CNNM1: variants seen among roughly 807,000 people sequenced by gnomAD.
CNNM1 encodes the protein cyclin and CBS domain divalent metal cation transport mediator 1.
Under a neutral mutation model 78.8 loss-of-function variants are expected in CNNM1, and 44 were observed. That is an observed-to-expected ratio of 0.56 (90% CI 0.44 to 0.72). The LOEUF (loss-of-function observed/expected upper bound fraction) is 0.72. Among genes scored for constraint, CNNM1 ranks in the 30% least tolerant of loss-of-function variants. CNNM1 has a pLI of 0.00. For synonymous variants in CNNM1, 584 were observed against 581.5 expected (o/e 1.00, Z -0.06); for missense variants, 1,101 against 1,292.2 (o/e 0.85, Z 2.27).
intron 2 of CNNM1, among the ~76,000 whole-genome samples, chr10:99,359,252 G>T (rs911248776): frequency 6.6e-6 from 1 of 151,710 alleles, no homozygotes; most frequent in Admixed American, 6.6e-5. Flanking sequence ...GGAGAGGGGG[G>T]CTATTTAGGC....
At chr10:99,358,214 TC>T (rs2031291367) in intron 2 of CNNM1, among the ~76,000 whole-genome samples, 1 of 152,212 alleles carries the variant, frequency 6.6e-6, no homozygotes, top group African/African-American at 2.4e-5. Context: ...GCCACCAGCA[TC>T]CCTGCTCTTG....
intron 1 of CNNM1, among the ~76,000 whole-genome samples, chr10:99,348,089 C>T (rs1441309348): frequency 6.6e-6 from 1 of 150,752 alleles, no homozygotes; most frequent in East Asian, 1.9e-4. Flanking sequence ...GTCACCCAGG[C>T]TGGTGTGCAT....
chr10:99,375,620 C>T (rs1468933124), intron 6 of CNNM1, among the ~76,000 whole-genome samples: 2 of 152,216 alleles, frequency 1.3e-5, no homozygotes, highest in Non-Finnish European at 2.9e-5. Flanking sequence ...TGCCAGACAA[C>T]AGCTTGGCAG....
Position 99,360,901 on chromosome 10 carries a change from A to G in CNNM1, c.1784A>G (p.Lys595Arg). The stretch of plus-strand genomic sequence containing the variant: ...AAGCGGCATGACTTCTCCTTGTTTA[A>G]GCTTTCGGACACGGAGATGCGGGTG... The part of the protein sequence containing the change: ...ERKRHDFSLF[K>R]LSDTEMRVKI... The change falls in exon 3 of 11, where the codon AAG becomes AGG. Residue 595 changes from lysine to arginine, a missense_variant. By Grantham distance (26) the Lys-to-Arg change is conservative. Transcript: ENST00000356713. 1 of 1,613,260 alleles carries G rather than the reference A, an allele frequency of 6.2e-7. No individual in the cohort carries two copies. Among genetic ancestry groups the G allele is most frequent in the Non-Finnish European group, 8.5e-7 (1 of 1,179,290 alleles).
At chr10:99,380,304 A>G (rs1375084134) in intron 7 of CNNM1, among the ~76,000 whole-genome samples, 4 of 152,178 alleles carry the variant, frequency 2.6e-5, no homozygotes, top group Non-Finnish European at 5.9e-5. Flanking sequence ...AGAAGTTGAG[A>G]AAATCAGTAT....
Position 99,329,411 on chromosome 10 carries a change from A to G in CNNM1, c.24A>G (p.Ala8=), listed in dbSNP as rs562038974. 35 of 907,436 alleles carry G rather than the reference A, an allele frequency of 3.9e-5. No individual in the cohort carries two copies. The highest frequency in any genetic ancestry group is 5.4e-5 in the Non-Finnish European group (34 of 628,226). The allele number at this position is 907,436 out of a possible 1,614,324, so 56.2% of individuals were successfully genotyped here. MAAAAAA[A]AAVGVRLRDC... is the part of the protein sequence containing the mutation. ...GGATGGCGGCGGCCGCGGCGGCGGC[A>G]GCAGCGGTGGGTGTCAGGCTCCGGG... The change falls in exon 1 of 11, where the codon GCA becomes GCG. Residue 8 remains alanine, a synonymous_variant. Coordinates refer to ENST00000356713, the MANE Select transcript of CNNM1 (RefSeq NM_020348.3).
chr10:99,330,239 C>A lies in CNNM1; in HGVS notation c.852C>A (p.Cys284Ter). The change falls in exon 1 of 11, where the codon TGC (cysteine) becomes TGA (stop). Residue 284 changes from cysteine to a stop codon, truncating the protein, a stop_gained. Coordinates refer to ENST00000356713, the MANE Select transcript of CNNM1 (RefSeq NM_020348.3). LOFTEE classifies it high-confidence loss of function. ...AVRGRGTHLLCTLLLGQAGAN... is the reference protein window; with the variant it reads ...AVRGRGTHLL ...GCGGCAGGGGGACCCATCTGCTCTG[C>A]ACCCTACTCCTGGGCCAAGCCGGAG... 6.5e-7 allele frequency: 1 copy of A among 1,538,880 alleles called. No homozygotes were observed. The highest frequency in any genetic ancestry group is 8.7e-7 in the Non-Finnish European group (1 of 1,144,200).
chr10:99,368,579 C>T (rs757555674), intron 6 of CNNM1: 23 of 1,265,560 alleles, frequency 1.8e-5, no homozygotes, highest in Non-Finnish European at 2.3e-5. Flanking sequence ...TATATCTTCC[C>T]TTTCGCAACT....
At chr10:99,376,461 G>C (rs1363639037) in intron 6 of CNNM1, among the ~76,000 whole-genome samples, 2 of 152,222 alleles carry the variant, frequency 1.3e-5, no homozygotes, top group Non-Finnish European at 2.9e-5. Flanking sequence ...CTGCCAATGT[G>C]GGGGCAGGCC....
At chr10:99,334,430 A>T (rs567727663) in intron 1 of CNNM1, among the ~76,000 whole-genome samples, 3 of 152,286 alleles carry the variant, frequency 2.0e-5, no homozygotes, top group Non-Finnish European at 4.4e-5. Context: ...AGGTGGGTGG[A>T]TCACCTGAGG....
intron 1 of CNNM1, among the ~76,000 whole-genome samples, chr10:99,333,917 G>A (rs1420259381): frequency 1.3e-5 from 2 of 152,320 alleles, no homozygotes; most frequent in South Asian, 2.1e-4. Flanking sequence ...TAGCTACTTT[G>A]TATTTAGGTA....
At chr10:99,370,911 A>G (rs562083387) in intron 6 of CNNM1, among the ~76,000 whole-genome samples, 1 of 152,334 alleles carries the variant, frequency 6.6e-6, no homozygotes, top group African/African-American at 2.4e-5. Context: ...ACTCCCCACA[A>G]TCACTTTGGG....
chr10:99,344,796 T>G (rs762504319), intron 1 of CNNM1, among the ~76,000 whole-genome samples: 20 of 152,184 alleles, frequency 1.3e-4, no homozygotes, highest in Admixed American at 4.6e-4. Context: ...AGGCTAAACA[T>G]AAGAAGGCTT....
chr10:99,376,355 G>C lies in CNNM1; in HGVS notation c.2177-700G>C, dbSNP rs368124500. 1.0e-3 allele frequency among the ~76,000 whole-genome samples: 157 copies of C among 152,348 alleles called. 1 individual carries two copies. Among genetic ancestry groups the C allele is most frequent in the African/African-American group, 3.6e-3 (151 of 41,584 alleles). On this transcript the variant is annotated intron_variant, in intron 6 of 10. Transcript: ENST00000356713. Reference sequence around the variant, plus strand: ...ATGGTTGCTATGAACATTTGTCAAGGAAGAGGATAAAGCCTATTTTTACCG... The same window carrying C: ...ATGGTTGCTATGAACATTTGTCAAGCAAGAGGATAAAGCCTATTTTTACCG...
intron 1 of CNNM1, among the ~76,000 whole-genome samples, chr10:99,348,571 G>A (rs1291222190): frequency 6.6e-6 from 1 of 152,132 alleles, no homozygotes; most frequent in East Asian, 1.9e-4. Context: ...TTGACATAAA[G>A]GAAAGATAAA....
At chr10:99,349,733 G>A (rs928681247) in intron 1 of CNNM1, among the ~76,000 whole-genome samples, 1 of 152,184 alleles carries the variant, frequency 6.6e-6, no homozygotes, top group African/African-American at 2.4e-5. Context: ...GGGCGCAGTG[G>A]CTCACGCCCG....
intron 6 of CNNM1, among the ~76,000 whole-genome samples, chr10:99,374,919 G>A (rs2031916538): frequency 1.3e-5 from 2 of 152,198 alleles, no homozygotes; most frequent in Non-Finnish European, 1.5e-5. Flanking sequence ...TTGAAAGGAT[G>A]GACAGGGAGT....
In CNNM1 at chr10:99,330,176, C is replaced by G. The variant is rs1011253514; in HGVS notation, c.789C>G (p.Ala263=). The part of the protein sequence containing the change: ...ELRVLRNSGS[A]AEQEQARRVQ... ...GGGTGCTGCGGAACAGCGGCTCGGC[C>G]GCCGAGCAGGAGCAGGCGCGCCGCG... The change falls in exon 1 of 11, where the codon GCC becomes GCG. Residue 263 remains alanine (A), a synonymous_variant. Transcript: ENST00000356713. The G allele has an allele frequency of 3.9e-6, 6 of 1,519,810 alleles. No homozygotes were observed. The highest frequency in any genetic ancestry group is 3.5e-6 in the Non-Finnish European group (4 of 1,139,148). The allele number at this position is 1,519,810 out of a possible 1,614,324, so 94.1% of individuals were successfully genotyped here. A position where few individuals can be genotyped will look rare whatever the true frequency, so the allele number is the denominator to read the frequency against.
rs1233591679 is a variant in CNNM1 at position 99,393,597 on chromosome 10, T to G, written c.*2081T>G. On this transcript the variant is annotated 3_prime_UTR_variant, in exon 11 of 11. Transcript: ENST00000356713. ...CTGCAATGCAGAGTGAAGTGGATAC[T>G]GGGCAGTTCGAGACAGGTTTTTAAT... The G allele has an allele frequency of 6.6e-6, 1 of 152,550 alleles. No individual in the cohort carries two copies. The highest frequency in any genetic ancestry group is 1.5e-5 in the Non-Finnish European group (1 of 68,024). 9.4% of individuals were successfully genotyped at this position (152,550 alleles called of 1,614,324 possible). A position where few individuals can be genotyped will look rare whatever the true frequency, so the allele number is the denominator to read the frequency against.
Sources: gnomAD v4.1 joint callset for allele counts (sites outside exome capture counted in the v4.1 genomes callset) on GRCh38, gnomAD v4.1.1 for gene constraint, MANE v1.5 for transcripts, NCBI Gene and HGNC (gene_info 2026-07-23, HGNC 2026-07-21) for gene names.